RELT: variants seen among roughly 807,000 people sequenced by gnomAD.
The protein encoded by RELT is tumor necrosis factor receptor superfamily member 19L.
RELT carries 37 observed loss-of-function variants against 51.1 expected under a neutral mutation model. The ratio of observed to expected loss-of-function variants is 0.72; its 90% CI spans 0.56 to 0.95. The LOEUF is 0.95. Among genes scored for constraint, RELT ranks in the 40% least tolerant of loss-of-function variants. The pLI is 0.00. For missense variants in RELT, 535 were observed against 572.6 expected (o/e 0.93, Z 0.67); for synonymous variants, 241 against 235.7 (o/e 1.02, Z -0.21).
At chr11:73,393,404 A>T (rs1167798658) in intron 6 of RELT, 1 of 1,160,440 alleles carries the variant, frequency 8.6e-7, no homozygotes, top group East Asian at 6.0e-5. Context: ...GACTAGGGGC[A>T]CTCAGTTAAA....
chr11:73,383,618 C>T (rs1411585731), intron 1 of RELT, among the ~76,000 whole-genome samples: 1 of 152,216 alleles, frequency 6.6e-6, no homozygotes, highest in Admixed American at 6.5e-5. Flanking sequence ...GGCTAAGTTG[C>T]AGGGCAAAAG....
In RELT at chr11:73,388,909, G is replaced by A. The variant is rs539448479; in HGVS notation, c.-25-203G>A. 2.7e-3 allele frequency among the ~76,000 whole-genome samples: 414 copies of A among 152,296 alleles called. 3 individuals are homozygous for A. The highest frequency in any genetic ancestry group is 9.6e-3 in the African/African-American group (397 of 41,566). ...CCTGCCTTCCTGCCTGTGCTGCCCCGTGAGGCCGGCTCCCAGGCAGGGCAG... is the reference window on the plus strand; with the variant it reads ...CCTGCCTTCCTGCCTGTGCTGCCCCATGAGGCCGGCTCCCAGGCAGGGCAG... On this transcript the variant is annotated intron_variant, in intron 1 of 10. Transcript: ENST00000064780. This position sits in a 1 kb window ranked among gnomAD's most constrained non-coding sequence, Gnocchi z 4.1.
Position 73,393,852 on chromosome 11 carries a change from A to C in RELT, c.641A>C (p.Tyr214Ser). Residue 214 changes from tyrosine to serine, a missense_variant, in exon 7 of 11, where the codon TAC becomes TCC. By Grantham distance (144) the Tyr-to-Ser change is moderately radical. Transcript: ENST00000064780. ...GGGGSGINPA[Y>S]RTEDANEDTI... ...TCTTCCCCAGGAATCAACCCTGCCT[A>C]CCGGACTGAGGATGCCAATGAGGAC... The C allele has an allele frequency of 6.2e-7, 1 of 1,614,038 alleles. No individual in the cohort carries two copies. The highest frequency in any genetic ancestry group is 1.1e-5 in the South Asian group (1 of 91,072).
intron 1 of RELT, among the ~76,000 whole-genome samples, chr11:73,385,229 A>G (rs1866106130): frequency 6.6e-6 from 1 of 151,694 alleles, no homozygotes; most frequent in African/African-American, 2.4e-5. Flanking sequence ...GGGGAGGGGG[A>G]GTGGCGTGGC....
chr11:73,382,374 G>GGGACTT (rs1866063503), intron 1 of RELT, among the ~76,000 whole-genome samples: 1 of 152,242 alleles, frequency 6.6e-6, no homozygotes, highest in Non-Finnish European at 1.5e-5. Flanking sequence ...GAGCACATTA[G>GGGACTT]GGACTTGGGA....
Position 73,390,876 on chromosome 11 carries a change from T to G in RELT, c.242T>G (p.Val81Gly), listed in dbSNP as rs779852908. 1 of 1,613,094 alleles carries G rather than the reference T, an allele frequency of 6.2e-7. No individual in the cohort carries two copies. The highest frequency in any genetic ancestry group is 8.5e-7 in the Non-Finnish European group (1 of 1,179,844). Residue 81 changes from valine (V) to glycine (G), a missense_variant, in exon 4 of 11, where the codon GTG becomes GGG. Transcript: ENST00000064780. ...CSLWRRLEAQ[V>G]GMATRDTLCG... Reference sequence around the variant, plus strand: ...CTTTGGAGGAGGCTGGAGGCCCAGGTGGGCATGGCAACTCGAGATACACTC... The same window carrying G: ...CTTTGGAGGAGGCTGGAGGCCCAGGGGGGCATGGCAACTCGAGATACACTC...
intron 1 of RELT, among the ~76,000 whole-genome samples, chr11:73,384,921 AG>A (rs1419771640): frequency 1.3e-5 from 2 of 152,034 alleles, no homozygotes. Flanking sequence ...GCTCTAAGGA[AG>A]AGTGGGTGCT....
At position 73,392,927 on chromosome 11, in the gene RELT, G is replaced by C. The variant is rs1036397148; in HGVS notation, c.625+459G>C. 83 of 1,017,286 alleles carry C rather than the reference G, an allele frequency of 8.2e-5. 1 individual carries two copies. Among genetic ancestry groups the C allele is most frequent in the Admixed American group, 5.2e-5 (1 of 19,398 alleles). The allele number at this position is 1,017,286 out of a possible 1,614,324, so 63.0% of individuals were successfully genotyped here. A position where few individuals can be genotyped will look rare whatever the true frequency, so the allele number is the denominator to read the frequency against. ...GTTTTGGTTCCAGGCTGTAGTTTGA[G>C]TTACAAGGCCTGGAACCGGAGGGAC... On this transcript the variant is annotated intron_variant, in intron 6 of 10. Transcript: ENST00000064780.
At position 73,392,379 on chromosome 11, in the gene RELT, G is replaced by A; in HGVS notation, c.536G>A (p.Gly179Asp). ...GTCTTCTGCCTCATGGGGCTGTTGG[G>A]CATCCTGGTGTGCAACCTCCTCAAG... ...VPVFCLMGLL[G>D]ILVCNLLKRK... Residue 179 changes from glycine to aspartate, a missense_variant, in exon 6 of 11, where the codon GGC (glycine) becomes GAC (aspartate). Transcript: ENST00000064780. 1.2e-6 allele frequency: 2 copies of A among 1,613,854 alleles called. No individual in the cohort carries two copies. Among genetic ancestry groups the A allele is most frequent in the Non-Finnish European group, 8.5e-7 (1 of 1,179,942 alleles).
In RELT at chr11:73,388,961, G is replaced by A. The variant is rs764914840; in HGVS notation, c.-25-151G>A. Among the ~76,000 whole-genome samples the A allele has an allele frequency of 5.3e-5, 8 of 152,172 alleles. No individual in the cohort carries two copies. The highest frequency in any genetic ancestry group is 8.8e-5 in the Non-Finnish European group (6 of 68,020). On this transcript the variant is annotated intron_variant, in intron 1 of 10. Transcript: ENST00000064780. The surrounding 1 kb of genome is among the most constrained non-coding windows in gnomAD (Gnocchi z 4.1). ...CCCCTCTGCTTGGGCCTGTGCTTGC[G>A]GGTGTGGAGCCGGCCTCCCCGGGCT...
At position 73,395,148 on chromosome 11, in the gene RELT, A is replaced by G; in HGVS notation, c.1108A>G (p.Ile370Val). 8 of 1,613,620 alleles carry G rather than the reference A, an allele frequency of 5.0e-6. No homozygotes were observed. The highest frequency in any genetic ancestry group is 6.8e-6 in the Non-Finnish European group (8 of 1,180,006). ...TSSMVSEVKT[I>V]TEAGPSWGDL... ...TTCAATGGTGTCTGAGGTGAAGACC[A>G]TCACGGAGGCTGGGCCCTCGTGGGG... Residue 370 changes from isoleucine to valine, a missense_variant, in exon 10 of 11, where the codon ATC (isoleucine) becomes GTC (valine). Ile to Val is a conservative substitution (Grantham distance 29, BLOSUM62 3). Coordinates refer to ENST00000064780, the MANE Select transcript of RELT (RefSeq NM_152222.2).
Position 73,390,763 on chromosome 11 carries a change from G to T in RELT, c.129G>T (p.Gly43=), listed in dbSNP as rs199556303. The change falls in exon 4 of 11, where the codon GGG becomes GGT. Residue 43 remains glycine (G), a synonymous_variant. Coordinates refer to ENST00000064780, the MANE Select transcript of RELT (RefSeq NM_152222.2). ...CCCTTTACCTCCCACAGGACCCAGGGCAGGGCACATTATGCAGGCCCTGCC... is the reference window on the plus strand; with the variant it reads ...CCCTTTACCTCCCACAGGACCCAGGTCAGGGCACATTATGCAGGCCCTGCC... The part of the protein sequence containing the change: ...PPGEEPDLDP[G]QGTLCRPCPP... The T allele has an allele frequency of 3.6e-5, 58 of 1,609,692 alleles. No individual in the cohort carries two copies. The East Asian group carries it at 1.3e-3, about 36-fold the overall frequency.
Position 73,394,739 on chromosome 11 carries a change from G to A in RELT, c.1046+5G>A. ...CACCATCTTGTCTGTGGGCAGGTGA[G>A]ATGGGCACAGATGCAGCAGGGGCAG... On this transcript the variant is annotated splice_donor_5th_base_variant and intron_variant, in intron 9 of 10. Transcript: ENST00000064780. This position sits in a 1 kb window ranked among gnomAD's most constrained non-coding sequence, Gnocchi z 4.9. 1 of 1,604,424 alleles carries A rather than the reference G, an allele frequency of 6.2e-7. No individual in the cohort carries two copies. Among genetic ancestry groups the A allele is most frequent in the South Asian group, 1.1e-5 (1 of 91,056 alleles).
Position 73,394,123 on chromosome 11 carries a change from C to A in RELT, c.707-113C>A. On this transcript the variant is annotated intron_variant, in intron 7 of 10. Transcript: ENST00000064780. This position sits in a 1 kb window ranked among gnomAD's most constrained non-coding sequence, Gnocchi z 4.9. ...TGAAGTGGGAGGAAAAGGCGCACAG[C>A]CCAGGCTGGGAGTGGTGGTATGGAG... The A allele has an allele frequency of 9.2e-7, 1 of 1,086,970 alleles. No individual in the cohort carries two copies. Among genetic ancestry groups the A allele is most frequent in the Non-Finnish European group, 1.4e-6 (1 of 735,626 alleles). The allele number at this position is 1,086,970 out of a possible 1,614,324, so 67.3% of individuals were successfully genotyped here.
At chr11:73,377,269 A>AGAGTGTGTGTGTGTGTGTGTGT (rs1040747542) in intron 1 of RELT, among the ~76,000 whole-genome samples, 2 of 146,086 alleles carry the variant, frequency 1.4e-5, no homozygotes, top group African/African-American at 5.3e-5. Context: ...AAGTGGTGTC[A>AGAGTGTGTGTGTGTGTGTGTGT]GTGTGTGTGT....
Position 73,391,158 on chromosome 11 carries a change from G to A in RELT, c.302G>A (p.Trp101Ter). 1 of 1,613,542 alleles carries A rather than the reference G, an allele frequency of 6.2e-7. No individual in the cohort carries two copies. The highest frequency in any genetic ancestry group is 8.5e-7 in the Non-Finnish European group (1 of 1,179,708). ...CCTCCTCGCAGGTGGTTTGGGCCTT[G>A]GGGGGTTCCCCGCGTTCCATGTCAA... is the stretch of plus-strand genomic sequence containing the variant. ...GDCWPGWFGP[W>*]GVPRVPCQPC... Residue 101 changes from tryptophan (W) to a stop codon, truncating the protein, a stop_gained, in exon 5 of 11, where the codon TGG becomes TAG. Coordinates refer to ENST00000064780, the MANE Select transcript of RELT (RefSeq NM_152222.2). LOFTEE classifies it high-confidence loss of function.
Position 73,395,813 on chromosome 11 carries a change from G to T in RELT, c.*322G>T, listed in dbSNP as rs987382628. The T allele has an allele frequency of 1.9e-5, 9 of 468,868 alleles. No individual in the cohort carries two copies. Among genetic ancestry groups the T allele is most frequent in the African/African-American group, 1.8e-4 (9 of 51,114 alleles). The allele number at this position is 468,868 out of a possible 1,614,324, so 29.0% of individuals were successfully genotyped here. A position where few individuals can be genotyped will look rare whatever the true frequency, so the allele number is the denominator to read the frequency against. Reference sequence around the variant, plus strand: ...GATTCTCTGTATCATCAGAGGCTGGGCTTGGCAGAGGGGAGGGGCCTGTGC... The same window carrying T: ...GATTCTCTGTATCATCAGAGGCTGGTCTTGGCAGAGGGGAGGGGCCTGTGC... On this transcript the variant is annotated 3_prime_UTR_variant, in exon 11 of 11. Coordinates refer to ENST00000064780, the MANE Select transcript of RELT (RefSeq NM_152222.2).
chr11:73,393,751 G>C (rs1458796539), intron 6 of RELT, 86 bp from the exon 7 acceptor site: 1 of 1,563,542 alleles, frequency 6.4e-7, no homozygotes, highest in Admixed American at 1.7e-5. Context: ...AGAAGGCCAG[G>C]GTTGCCCTCT....
Position 73,397,320 on chromosome 11 carries a change from A to G in RELT, c.*1829A>G, listed in dbSNP as rs770173126. 2 of 152,232 alleles carry G rather than the reference A, an allele frequency of 1.3e-5. No homozygotes were observed. The highest frequency in any genetic ancestry group is 1.3e-4 in the Admixed American group (2 of 15,284). The allele number at this position is 152,232 out of a possible 1,614,324, so 9.4% of individuals were successfully genotyped here. ...GCTTGGCCAGTGTGGAGAGGAAAGG[A>G]GCCACAGGAGCGGGTGCTACACCCG... is the stretch of plus-strand genomic sequence containing the variant. On this transcript the variant is annotated 3_prime_UTR_variant, in exon 11 of 11. Transcript: ENST00000064780.
Sources: gnomAD v4.1 joint callset for allele counts (sites outside exome capture counted in the v4.1 genomes callset) on GRCh38, gnomAD v4.1.1 for gene constraint, Gnocchi (gnomAD v3.1) non-coding constraint, MANE v1.5 for transcripts, NCBI Gene and HGNC (gene_info 2026-07-23, HGNC 2026-07-21) for gene names.